The following RAP1GAP variants were observed in gnomAD, a reference collection of about 807,000 sequenced individuals.
RAP1GAP encodes the protein rap1 GTPase-activating protein 1.
A neutral mutation model predicts 87.2 loss-of-function variants in RAP1GAP; 35 were observed. The ratio of observed to expected loss-of-function variants is 0.40; its 90% CI spans 0.31 to 0.53. The LOEUF is 0.53. Ranked by LOEUF, RAP1GAP falls within the 20% of genes least tolerant of loss-of-function variation. RAP1GAP has a pLI of 0.48. For missense variants in RAP1GAP, 734 were observed against 898.9 expected (o/e 0.82, Z 2.35); for synonymous variants, 375 against 363.9 (o/e 1.03, Z -0.35).
rs956805059 is a variant in RAP1GAP at position 21,609,366 on chromosome 1, C to T, written c.1071+209G>A. Reference sequence around the variant, plus strand: ...TCTACTATGGAAAGTGTAAAACAATCGTGTAGTTTATCCTGTGACCTTGTG... The same window carrying T: ...TCTACTATGGAAAGTGTAAAACAATTGTGTAGTTTATCCTGTGACCTTGTG... On this transcript the variant is annotated intron_variant, in intron 15 of 24. Coordinates refer to ENST00000374765, the MANE Select transcript of RAP1GAP (RefSeq NM_002885.4). This position sits in a 1 kb window ranked among gnomAD's most constrained non-coding sequence, Gnocchi z 4.4. 4.0e-5 allele frequency among the ~76,000 whole-genome samples: 6 copies of T among 149,426 alleles called. No homozygotes were observed. Among genetic ancestry groups the T allele is most frequent in the African/African-American group, 9.9e-5 (4 of 40,316 alleles).
chr1:21,663,345 C>T (rs1351521005), intron 1 of RAP1GAP, among the ~76,000 whole-genome samples: 2 of 152,212 alleles, frequency 1.3e-5, no homozygotes, highest in Non-Finnish European at 2.9e-5. Flanking sequence ...CCCGGGTGGG[C>T]ACAGTGCCTA....
chr1:21,611,937 C>T, intron 11 of RAP1GAP, 89 bp downstream of exon 11: 1 of 1,482,854 alleles, frequency 6.7e-7, no homozygotes. Flanking sequence ...GCTCCTGAGT[C>T]CCTTGGCCGG....
At chr1:21,602,731 C>G in intron 19 of RAP1GAP, 73 bp downstream of exon 19, 2 of 1,364,278 alleles carry the variant, frequency 1.5e-6, no homozygotes, top group Non-Finnish European at 2.0e-6. Flanking sequence ...CTTCTGCCTG[C>G]CTTGCTTTGC....
Position 21,669,153 on chromosome 1 carries a change from C to A in RAP1GAP, c.-149+101G>T. 2 of 1,177,006 alleles carry A rather than the reference C, an allele frequency of 1.7e-6. No individual in the cohort carries two copies. Among genetic ancestry groups the A allele is most frequent in the South Asian group, 1.5e-5 (1 of 66,500 alleles). The allele number at this position is 1,177,006 out of a possible 1,614,324, so 72.9% of individuals were successfully genotyped here. A position where few individuals can be genotyped will look rare whatever the true frequency, so the allele number is the denominator to read the frequency against. ...ACGCGTTCGCCCCCACCCTCCGTCC[C>A]CGCCCGCCCGCGCGGGGTCTTCGCT... On this transcript the variant is annotated intron_variant, in intron 1 of 24. Coordinates refer to ENST00000374765, the MANE Select transcript of RAP1GAP (RefSeq NM_002885.4). The surrounding 1 kb of genome is among the most constrained non-coding windows in gnomAD (Gnocchi z 5.6).
chr1:21,632,503 A>G (rs1485454518), intron 2 of RAP1GAP, among the ~76,000 whole-genome samples: 18 of 152,196 alleles, frequency 1.2e-4, no homozygotes, highest in Admixed American at 1.2e-3. Context: ...ACACGACCTC[A>G]AAGTCAGCCA....
chr1:21,601,636 G>A (rs1288684073), intron 20 of RAP1GAP, 48 bp downstream of exon 20: 23 of 1,430,282 alleles, frequency 1.6e-5, no homozygotes, highest in South Asian at 5.2e-5. Context: ...GGGGAAGGAC[G>A]GTTCACCACT....
At chr1:21,623,715 G>A (rs947909342) in intron 3 of RAP1GAP, among the ~76,000 whole-genome samples, 5 of 152,246 alleles carry the variant, frequency 3.3e-5, no homozygotes, top group African/African-American at 1.2e-4. Flanking sequence ...TGTAGCTTTG[G>A]TTTTAATAAT....
In RAP1GAP at chr1:21,598,419, A is replaced by G. The variant is rs61775974; in HGVS notation, c.1860T>C (p.Thr620=). 0.034 allele frequency: 54,128 copies of G among 1,613,606 alleles called. 1,019 individuals are homozygous for G. The highest frequency in any genetic ancestry group is 0.039 in the Non-Finnish European group (45,984 of 1,179,574). ...TGGTACCTGGGGAGCTGCCCCCACT[A>G]GTGGTGCTGACACTGTCCTCCAGCC... ...STWLEDSVST[T]SGGSSPGPSR... is the part of the protein sequence containing the mutation. Residue 620 remains threonine, a synonymous_variant, in exon 22 of 25, where the codon ACT becomes ACC. Transcript: ENST00000374765.
chr1:21,617,101 G>C (rs1423352861), intron 7 of RAP1GAP, among the ~76,000 whole-genome samples: 3 of 152,234 alleles, frequency 2.0e-5, no homozygotes, highest in Admixed American at 6.5e-5. Flanking sequence ...TGCTGCCTTT[G>C]CAATCAATGT....
At position 21,668,551 on chromosome 1, in the gene RAP1GAP, G is replaced by T. The variant is rs145483893; in HGVS notation, c.-149+703C>A. On this transcript the variant is annotated intron_variant, in intron 1 of 24. Coordinates refer to ENST00000374765, the MANE Select transcript of RAP1GAP (RefSeq NM_002885.4). This position sits in a 1 kb window ranked among gnomAD's most constrained non-coding sequence, Gnocchi z 6.2. ...GTGTGTGCAGGTGTGCGTACACAAG[G>T]TTTCTTCCCCAAGCCCAGGCGCCCC... 0.026 allele frequency: 3,923 copies of T among 152,568 alleles called. 84 individuals are homozygous for T. The highest frequency in any genetic ancestry group is 0.036 in the Non-Finnish European group (2,479 of 68,252). 9.5% of individuals were successfully genotyped at this position (152,568 alleles called of 1,614,324 possible).
In RAP1GAP at chr1:21,620,016, T is replaced by G; in HGVS notation, c.17A>C (p.Gln6Pro). Reference protein sequence around the residue: MIEKMQGSRMDEQRCS... With the variant: MIEKMPGSRMDEQRCS... ...AACAGGCCACAGAGCCATCCTCACC[T>G]GCATCTTCTCAATCATCTCAAATAG... is the stretch of plus-strand genomic sequence containing the variant. The change falls in exon 4 of 25, where the codon CAG becomes CCG. Residue 6 changes from glutamine to proline, a missense_variant and splice_region_variant. By Grantham distance (76) the Gln-to-Pro change is moderately conservative. Coordinates refer to ENST00000374765, the MANE Select transcript of RAP1GAP (RefSeq NM_002885.4). 6.2e-7 allele frequency: 1 copy of G among 1,613,918 alleles called. No individual in the cohort carries two copies. The highest frequency in any genetic ancestry group is 8.5e-7 in the Non-Finnish European group (1 of 1,179,900).
In RAP1GAP at chr1:21,597,962, AGCTGG is replaced by A. The variant is rs1646146967; in HGVS notation, c.1977_1981del (p.Gln660GlyfsTer16). 1 of 1,566,074 alleles carries A rather than the reference AGCTGG, an allele frequency of 6.4e-7. No homozygotes were observed. Among genetic ancestry groups the A allele is most frequent in the African/African-American group, 1.4e-5 (1 of 74,002 alleles). ...CCAGCCCCAGGAGGCTGCACGTACC[AGCTGG>A]GGCATGTGCTGCTCAGATGCTTCCA... On this transcript the variant is annotated frameshift_variant and splice_region_variant, in exon 23 of 25. Transcript: ENST00000374765. LOFTEE classifies it high-confidence loss of function.
Position 21,611,716 on chromosome 1 carries a change from C to T in RAP1GAP, c.713G>A (p.Gly238Glu), listed in dbSNP as rs755575652. 1 of 1,612,712 alleles carries T rather than the reference C, an allele frequency of 6.2e-7. No individual in the cohort carries two copies. The highest frequency in any genetic ancestry group is 8.5e-7 in the Non-Finnish European group (1 of 1,178,804). ...CTGCTCAGCCCACCCTAATACTCAC[C>T]CCTTAAAGTCCTGCAGTTTGACCTT... is the stretch of plus-strand genomic sequence containing the variant. The part of the protein sequence containing the change: ...GQKVKLQDFK[G>E]FRGGLDVTHG... Residue 238 changes from glycine (G) to glutamate (E), a missense_variant and splice_region_variant, in exon 12 of 25, where the codon GGG becomes GAG. Around this residue, in one of 2 missense-constraint regions of RAP1GAP, gnomAD observed 485 missense variants for 646.2 expected, o/e 0.75. Transcript: ENST00000374765.
At position 21,602,599 on chromosome 1, in the gene RAP1GAP, C is replaced by T. The variant is rs77891692; in HGVS notation, c.1538+205G>A. On this transcript the variant is annotated intron_variant, in intron 19 of 24. Coordinates refer to ENST00000374765, the MANE Select transcript of RAP1GAP (RefSeq NM_002885.4). ...AAGCCCCTTGACTCCTCTGACCTAC[C>T]GCTTCTTGATCTGCATGTGGCACGT... Among the ~76,000 whole-genome samples, 1,283 of 152,358 alleles carry T rather than the reference C, an allele frequency of 8.4e-3. 15 individuals are homozygous for T. Among genetic ancestry groups the T allele is most frequent in the African/African-American group, 0.029 (1,220 of 41,586 alleles).
intron 2 of RAP1GAP, among the ~76,000 whole-genome samples, chr1:21,647,161 A>G (rs1211958404): frequency 6.6e-6 from 1 of 152,248 alleles, no homozygotes; most frequent in Non-Finnish European, 1.5e-5. Context: ...TGAGAAAAGT[A>G]CAGCCTGGCC....
At chr1:21,643,219 G>C (rs921501775) in intron 2 of RAP1GAP, among the ~76,000 whole-genome samples, 2 of 152,280 alleles carry the variant, frequency 1.3e-5, no homozygotes, top group East Asian at 3.9e-4. Flanking sequence ...GAATTTTGGG[G>C]AAGATCCTGA....
rs1214059985 is a variant in RAP1GAP at position 21,668,777 on chromosome 1, G to C, written c.-149+477C>G. On this transcript the variant is annotated intron_variant, in intron 1 of 24. Transcript: ENST00000374765. This position sits in a 1 kb window ranked among gnomAD's most constrained non-coding sequence, Gnocchi z 6.2. ...AGGACATCACCGCCCTCCCCGCTCA[G>C]GGTCCTTGATCTGAGGCCCCCACTT... Among the ~76,000 whole-genome samples, 6 of 152,056 alleles carry C rather than the reference G, an allele frequency of 3.9e-5. No homozygotes were observed. The South Asian group carries it at 1.2e-3, about 32-fold the overall frequency.
chr1:21,669,305 C>G lies in RAP1GAP; in HGVS notation c.-200G>C. Reference sequence around the variant, plus strand: ...GGGCTCGGCACTCTGGTGCCCGCGGCCGCCGCTGCAGCTCTGCTCAGATGC... The same window carrying G: ...GGGCTCGGCACTCTGGTGCCCGCGGGCGCCGCTGCAGCTCTGCTCAGATGC... On this transcript the variant is annotated 5_prime_UTR_variant, in exon 1 of 25. Transcript: ENST00000374765. The surrounding 1 kb of genome is among the most constrained non-coding windows in gnomAD (Gnocchi z 5.6). 8.5e-7 allele frequency: 1 copy of G among 1,171,552 alleles called. No individual in the cohort carries two copies. The allele number at this position is 1,171,552 out of a possible 1,614,324, so 72.6% of individuals were successfully genotyped here.
At position 21,599,637 on chromosome 1, in the gene RAP1GAP, A is replaced by G; in HGVS notation, c.1653-20T>C. The G allele has an allele frequency of 6.3e-7, 1 of 1,594,846 alleles. No individual in the cohort carries two copies. Among genetic ancestry groups the G allele is most frequent in the South Asian group, 1.1e-5 (1 of 90,410 alleles). On this transcript the variant is annotated intron_variant, in intron 20 of 24. Coordinates refer to ENST00000374765, the MANE Select transcript of RAP1GAP (RefSeq NM_002885.4). Reference sequence around the variant, plus strand: ...TCCGCTCTGCCACAGACAGTGCCCCATTAGCCGGTGTCCACCCCGAGCCCC... The same window carrying G: ...TCCGCTCTGCCACAGACAGTGCCCCGTTAGCCGGTGTCCACCCCGAGCCCC...
Sources: allele counts gnomAD v4.1 joint callset (sites outside exome capture counted in the v4.1 genomes callset), GRCh38; gene constraint gnomAD v4.1.1; regional missense constraint gnomAD v4.1.1; non-coding constraint Gnocchi (gnomAD v3.1); transcripts MANE v1.5; gene names NCBI Gene and HGNC (gene_info 2026-07-23, HGNC 2026-07-21).